The following ELOVL5 variants were observed in gnomAD, a reference collection of about 807,000 sequenced individuals.
ELOVL5 encodes the protein ELOVL fatty acid elongase 5.
A neutral mutation model predicts 38.6 loss-of-function variants in ELOVL5; 8 were observed. That is an observed-to-expected ratio of 0.21 (90% CI 0.12 to 0.37). The LOEUF (loss-of-function observed/expected upper bound fraction) is 0.37, where lower values mean the gene tolerates loss of function less well. Among genes scored for constraint, ELOVL5 ranks in the 10% least tolerant of loss-of-function variants. The pLI is 1.00. For missense variants in ELOVL5, 280 were observed against 367.8 expected, an observed-to-expected ratio of 0.76 and a Z score of 1.95; for synonymous variants, 127 against 133.7, an observed-to-expected ratio of 0.95 and a Z score of 0.34.
chr6:53,308,971 C>T (rs1767713714), intron 1 of ELOVL5, among the ~76,000 whole-genome samples: 1 of 152,028 alleles, frequency 6.6e-6, no homozygotes, highest in African/African-American at 2.4e-5. Context: ...GAGATCAGTT[C>T]TCATATTTTT....
At chr6:53,304,749 TCACA>T (rs1167458570) in intron 1 of ELOVL5, among the ~76,000 whole-genome samples, 7 of 152,154 alleles carry the variant, frequency 4.6e-5, no homozygotes, top group African/African-American at 1.7e-4. Flanking sequence ...GGGGGTAAGG[TCACA>T]GATCAACAGG....
chr6:53,347,211 G>T (rs778008603), intron 1 of ELOVL5, among the ~76,000 whole-genome samples: 2 of 151,170 alleles, frequency 1.3e-5, no homozygotes, highest in Non-Finnish European at 2.9e-5. Context: ...ATTAGAAATA[G>T]AAACGAAAAT....
intron 2 of ELOVL5, among the ~76,000 whole-genome samples, chr6:53,292,883 G>T (rs996126678): frequency 8.5e-5 from 13 of 152,212 alleles, no homozygotes; most frequent in African/African-American, 2.9e-4. Context: ...ACAAACTGAG[G>T]AGTAGTAGCA....
chr6:53,344,821 G>T (rs578039838), intron 1 of ELOVL5, among the ~76,000 whole-genome samples: 82 of 152,184 alleles, frequency 5.4e-4, no homozygotes, highest in Middle Eastern at 3.4e-3. Flanking sequence ...TTCCACACTC[G>T]CTTACTCTCC....
chr6:53,269,165 C>T lies in ELOVL5; in HGVS notation c.862G>A (p.Glu288Lys). The part of the protein sequence containing the change: ...NGHTNSFSPL[E>K]NNVKPRKLRK... ...AGCTTCCTTGGCTTCACATTGTTTT[C>T]CAGGGGTGAAAAGCTGTTGGTGTGT... Residue 288 changes from glutamate (E) to lysine (K), a missense_variant, in exon 8 of 8, where the codon GAA (glutamate) becomes AAA (lysine). Around this residue, in one of 3 missense-constraint regions of ELOVL5, gnomAD observed 125 missense variants for 158.9 expected, o/e 0.79. Coordinates refer to ENST00000304434, the MANE Select transcript of ELOVL5 (RefSeq NM_021814.5). The T allele has an allele frequency of 6.2e-7, 1 of 1,613,898 alleles. No homozygotes were observed. Among genetic ancestry groups the T allele is most frequent in the African/African-American group, 1.3e-5 (1 of 75,008 alleles).
At chr6:53,279,898 C>A (rs1453822655) in intron 3 of ELOVL5, among the ~76,000 whole-genome samples, 1 of 152,208 alleles carries the variant, frequency 6.6e-6, no homozygotes, top group East Asian at 1.9e-4. Flanking sequence ...GAGGGCTCTA[C>A]TCCCTCCATC....
At chr6:53,311,497 AT>A (rs1223498579) in intron 1 of ELOVL5, among the ~76,000 whole-genome samples, 1 of 152,206 alleles carries the variant, frequency 6.6e-6, no homozygotes, top group Non-Finnish European at 1.5e-5. Context: ...ACCCAAAGAA[AT>A]GAAAACACAC....
chr6:53,304,419 CACAA>C (rs199799997), intron 1 of ELOVL5, among the ~76,000 whole-genome samples: 2,904 of 150,320 alleles, frequency 0.019, 275 homozygotes, highest in Admixed American at 0.16. Flanking sequence ...CATGTACACA[CACAA>C]ACACACACAC....
chr6:53,348,835 G>A lies in ELOVL5; in HGVS notation c.-27C>T, dbSNP rs971687985. On this transcript the variant is annotated 5_prime_UTR_variant, in exon 1 of 8. Transcript: ENST00000304434. ...GCTTTACCTTTTAGCCCAAGGGGCG[G>A]CAGCAGCTTTGAGCAGCAGCAAGGC... 1.1e-5 allele frequency: 5 copies of A among 457,926 alleles called. No individual in the cohort carries two copies. The highest frequency in any genetic ancestry group is 1.8e-5 in the Non-Finnish European group (4 of 227,780). 28.4% of individuals were successfully genotyped at this position (457,926 alleles called of 1,614,324 possible).
intron 1 of ELOVL5, among the ~76,000 whole-genome samples, chr6:53,334,748 T>C (rs1768971742): frequency 6.6e-6 from 1 of 152,134 alleles, no homozygotes; most frequent in Non-Finnish European, 1.5e-5. Flanking sequence ...GAATCCATCA[T>C]CTTCTCACAC....
At position 53,339,819 on chromosome 6, in the gene ELOVL5, T is replaced by C. The variant is rs140789862; in HGVS notation, c.-9+8998A>G. On this transcript the variant is annotated intron_variant, in intron 1 of 7. Coordinates refer to ENST00000304434, the MANE Select transcript of ELOVL5 (RefSeq NM_021814.5). ...ATTAATTGAGTGTACACCTTCTAAT[T>C]ACATATTTTAAAAAGTTAACTATGA... Among the ~76,000 whole-genome samples the C allele has an allele frequency of 3.9e-3, 598 of 152,336 alleles. 5 individuals are homozygous for C. The highest frequency in any genetic ancestry group is 0.014 in the African/African-American group (578 of 41,574).
chr6:53,267,474 C>A lies in ELOVL5; in HGVS notation c.*1653G>T, dbSNP rs1313106213. On this transcript the variant is annotated 3_prime_UTR_variant, in exon 8 of 8. Coordinates refer to ENST00000304434, the MANE Select transcript of ELOVL5 (RefSeq NM_021814.5). ...TAGGTATATCCAGGTGAGCTAAGCA[C>A]ACTTTGACAGCACACTATTGAATGT... 6.6e-6 allele frequency: 1 copy of A among 152,546 alleles called. No homozygotes were observed. The highest frequency in any genetic ancestry group is 1.5e-5 in the Non-Finnish European group (1 of 68,040). The allele number at this position is 152,546 out of a possible 1,614,324, so 9.4% of individuals were successfully genotyped here. A position where few individuals can be genotyped will look rare whatever the true frequency, so the allele number is the denominator to read the frequency against.
intron 1 of ELOVL5, among the ~76,000 whole-genome samples, chr6:53,337,688 T>C (rs1271931540): frequency 6.6e-6 from 1 of 152,232 alleles, no homozygotes; most frequent in African/African-American, 2.4e-5. Context: ...CAGATAAACA[T>C]GGCAGACACT....
chr6:53,296,121 T>A lies in ELOVL5; in HGVS notation c.-8-414A>T, dbSNP rs1766993394. Among the ~76,000 whole-genome samples the A allele has an allele frequency of 2.6e-5, 4 of 152,208 alleles. No individual in the cohort carries two copies. In the South Asian group the frequency reaches 8.3e-4, roughly 32 times the overall value. ...CATATCAGGGAACAGAATGCCACAG[T>A]GACAAGACAGTTTTTTCCGCTTGTT... On this transcript the variant is annotated intron_variant, in intron 1 of 7. Coordinates refer to ENST00000304434, the MANE Select transcript of ELOVL5 (RefSeq NM_021814.5).
chr6:53,298,630 A>G (rs1008766735), intron 1 of ELOVL5, among the ~76,000 whole-genome samples: 23 of 152,136 alleles, frequency 1.5e-4, no homozygotes, highest in African/African-American at 5.3e-4. Flanking sequence ...GGAAGCCCCC[A>G]ATAGATGTTT....
chr6:53,286,369 T>C lies in ELOVL5; in HGVS notation c.246+5407A>G, dbSNP rs80123653. 8.5e-3 allele frequency among the ~76,000 whole-genome samples: 1,293 copies of C among 152,078 alleles called. 19 individuals are homozygous for C. Among genetic ancestry groups the C allele is most frequent in the African/African-American group, 0.026 (1,098 of 41,466 alleles). The stretch of plus-strand genomic sequence containing the variant: ...TTTGAGTCCAGGAGTTTGAGATCAG[T>C]CCAGGCAACACCGTGAGACAATGTT... On this transcript the variant is annotated intron_variant, in intron 3 of 7. Transcript: ENST00000304434.
intron 1 of ELOVL5, chr6:53,337,150 A>C (rs374061161): frequency 6.6e-6 from 1 of 152,382 alleles, no homozygotes; most frequent in South Asian, 2.1e-4. Flanking sequence ...ACTACCCTTC[A>C]CACGAACATG....
chr6:53,303,266 T>C (rs1191179443), intron 1 of ELOVL5, among the ~76,000 whole-genome samples: 2 of 152,226 alleles, frequency 1.3e-5, no homozygotes, highest in Admixed American at 1.3e-4. Context: ...TAACAAGCTT[T>C]AGAAATGAAA....
chr6:53,313,359 CTT>C (rs1767915274), intron 1 of ELOVL5, among the ~76,000 whole-genome samples: 1 of 147,684 alleles, frequency 6.8e-6, no homozygotes, highest in African/African-American at 2.6e-5. Flanking sequence ...ACATAGAAAA[CTT>C]AGTTTTATTT....
Sources: gnomAD v4.1 joint callset for allele counts (sites outside exome capture counted in the v4.1 genomes callset) on GRCh38, gnomAD v4.1.1 for gene constraint, gnomAD v4.1.1 regional missense constraint, MANE v1.5 for transcripts, NCBI Gene and HGNC (gene_info 2026-07-23, HGNC 2026-07-21) for gene names.